SDK2: variants seen among roughly 807,000 people sequenced by gnomAD.
SDK2 encodes the protein sidekick cell adhesion molecule 2.
Under a neutral mutation model 253.9 loss-of-function variants are expected in SDK2, and 105 were observed. That is an observed-to-expected ratio of 0.41 (90% CI 0.35 to 0.49). The LOEUF (loss-of-function observed/expected upper bound fraction) is 0.49, where lower values mean the gene tolerates loss of function less well. Ranked by LOEUF, SDK2 falls within the 20% of genes least tolerant of loss-of-function variation. The probability of loss-of-function intolerance (pLI) is 0.06; values close to 1 mark genes in which losing one functional copy is unlikely to be tolerated. For synonymous variants in SDK2, 1,249 were observed against 1,234.9 expected (o/e 1.01, Z -0.24); for missense variants, 2,608 against 3,003.0 (o/e 0.87, Z 3.07).
chr17:73,372,076 A>G (rs1484296017), intron 36 of SDK2, among the ~76,000 whole-genome samples: 1 of 152,150 alleles, frequency 6.6e-6, no homozygotes, highest in Non-Finnish European at 1.5e-5. Flanking sequence ...GGAAGGGCCA[A>G]TGGCTGCAGT....
chr17:73,501,151 C>T (rs2063887820), intron 2 of SDK2, among the ~76,000 whole-genome samples: 1 of 152,172 alleles, frequency 6.6e-6, no homozygotes, highest in Non-Finnish European at 1.5e-5. Flanking sequence ...CACCTTCCTG[C>T]TGTACTCAGA....
In SDK2 at chr17:73,383,223, T is replaced by C. The variant is rs2062845702; in HGVS notation, c.4705+653A>G. Among the ~76,000 whole-genome samples the C allele has an allele frequency of 6.6e-6, 1 of 152,168 alleles. No homozygotes were observed. Among genetic ancestry groups the C allele is most frequent in the Admixed American group, 6.5e-5 (1 of 15,274 alleles). ...CCATCCTCCCACCATGGCCAAGCCATCATCCTCATGCCACCAAAGTGGCTC... is the reference window on the plus strand; with the variant it reads ...CCATCCTCCCACCATGGCCAAGCCACCATCCTCATGCCACCAAAGTGGCTC... On this transcript the variant is annotated intron_variant, in intron 33 of 44. Transcript: ENST00000392650. This position sits in a 1 kb window ranked among gnomAD's most constrained non-coding sequence, Gnocchi z 4.3.
At chr17:73,466,724 C>A (rs541364403) in intron 3 of SDK2, among the ~76,000 whole-genome samples, 2 of 142,582 alleles carry the variant, frequency 1.4e-5, no homozygotes, top group Non-Finnish European at 3.2e-5. Context: ...CGCCCCCCCC[C>A]CCCGGCTTAG....
At chr17:73,599,386 G>A (rs2045806538) in intron 1 of SDK2, among the ~76,000 whole-genome samples, 1 of 152,100 alleles carries the variant, frequency 6.6e-6, no homozygotes, top group African/African-American at 2.4e-5. Context: ...ACAAAAATTA[G>A]CCTGGCGTGG....
At chr17:73,533,824 T>TCC in intron 1 of SDK2, among the ~76,000 whole-genome samples, 1 of 152,276 alleles carries the variant, frequency 6.6e-6, no homozygotes, top group Non-Finnish European at 1.5e-5. Flanking sequence ...AGGAAGTGTC[T>TCC]CTTTGAGACT....
chr17:73,576,725 T>C (rs554869897), intron 1 of SDK2, among the ~76,000 whole-genome samples: 12 of 152,170 alleles, frequency 7.9e-5, no homozygotes, highest in African/African-American at 2.9e-4. Flanking sequence ...CCAGTACCTA[T>C]AGGTCTCCCT....
chr17:73,635,743 A>G (rs9894407), intron 1 of SDK2, among the ~76,000 whole-genome samples: 59,226 of 151,938 alleles, frequency 0.39, 12,357 homozygotes, highest in African/African-American at 0.54. Flanking sequence ...CTCACACCTC[A>G]TTCAATTTAG....
chr17:73,436,876 A>G (rs998821393), intron 8 of SDK2, among the ~76,000 whole-genome samples: 2 of 151,976 alleles, frequency 1.3e-5, no homozygotes, highest in African/African-American at 2.4e-5. Context: ...AACCCATGGC[A>G]TTTTAGATGA....
At chr17:73,564,432 C>T (rs888817935) in intron 1 of SDK2, among the ~76,000 whole-genome samples, 7 of 152,152 alleles carry the variant, frequency 4.6e-5, no homozygotes, top group Non-Finnish European at 7.3e-5. Context: ...TGGGCTGTGT[C>T]GTCATCTGAA....
chr17:73,456,059 G>A lies in SDK2; in HGVS notation c.332-6C>T. ...TTCCTCAAAGCTCCCCATGTCTGCA[G>A]CCGGGACAACGGCAGTAGGATCAGG... On this transcript the variant is annotated splice_polypyrimidine_tract_variant and splice_region_variant and intron_variant, in intron 3 of 44. Coordinates refer to ENST00000392650, the MANE Select transcript of SDK2 (RefSeq NM_001144952.2). The A allele has an allele frequency of 3.4e-6, 5 of 1,483,892 alleles. No homozygotes were observed. Among genetic ancestry groups the A allele is most frequent in the Non-Finnish European group, 3.6e-6 (4 of 1,109,004 alleles). 91.9% of individuals were successfully genotyped at this position (1,483,892 alleles called of 1,614,324 possible).
At chr17:73,341,727 A>T (rs1488015839) in intron 44 of SDK2, among the ~76,000 whole-genome samples, 1 of 152,124 alleles carries the variant, frequency 6.6e-6, no homozygotes, top group Admixed American at 6.6e-5. Context: ...GTTCTCAGGA[A>T]CTCGGAGTCC....
In SDK2 at chr17:73,352,690, C is replaced by G; in HGVS notation, c.5594-53G>C. On this transcript the variant is annotated intron_variant, in intron 40 of 44. Coordinates refer to ENST00000392650, the MANE Select transcript of SDK2 (RefSeq NM_001144952.2). The surrounding 1 kb of genome is among the most constrained non-coding windows in gnomAD (Gnocchi z 4.1). Reference sequence around the variant, plus strand: ...GGGAGGTGAGGGGAAGCCCCAAATCCCGCTCCCAGCCCCGTTCTGACTATG... The same window carrying G: ...GGGAGGTGAGGGGAAGCCCCAAATCGCGCTCCCAGCCCCGTTCTGACTATG... 6 of 1,587,470 alleles carry G rather than the reference C, an allele frequency of 3.8e-6. No individual in the cohort carries two copies. Among genetic ancestry groups the G allele is most frequent in the Non-Finnish European group, 5.2e-6 (6 of 1,159,668 alleles).
chr17:73,644,233 G>C lies in SDK2; in HGVS notation c.-145C>G, dbSNP rs1219496379. The C allele has an allele frequency of 4.4e-6, 3 of 684,912 alleles. No homozygotes were observed. Among genetic ancestry groups the C allele is most frequent in the Non-Finnish European group, 5.1e-6 (2 of 391,388 alleles). 42.4% of individuals were successfully genotyped at this position (684,912 alleles called of 1,614,324 possible). On this transcript the variant is annotated 5_prime_UTR_variant, in exon 1 of 45. Coordinates refer to ENST00000392650, the MANE Select transcript of SDK2 (RefSeq NM_001144952.2). The surrounding 1 kb of genome is among the most constrained non-coding windows in gnomAD (Gnocchi z 6.3). ...GTGCCCCGGGGTGTAATATGCCCGG[G>C]AGGGGCAGCGCTTGGCTACCCCAAC...
At chr17:73,604,013 C>T in intron 1 of SDK2, among the ~76,000 whole-genome samples, 1 of 152,236 alleles carries the variant, frequency 6.6e-6, no homozygotes, top group East Asian at 1.9e-4. Flanking sequence ...AGGACAATGC[C>T]TGTCTCAGAA....
intron 44 of SDK2, among the ~76,000 whole-genome samples, chr17:73,340,998 C>T (rs1489585387): frequency 2.0e-5 from 3 of 149,984 alleles, no homozygotes; most frequent in Non-Finnish European, 3.0e-5. Flanking sequence ...CCCACCTCGG[C>T]GTCCCAAAGT....
chr17:73,469,682 G>A (rs2063630167), intron 3 of SDK2, among the ~76,000 whole-genome samples: 1 of 152,124 alleles, frequency 6.6e-6, no homozygotes, highest in Admixed American at 6.5e-5. Flanking sequence ...CCCCCACCCT[G>A]GGTTTGTGTG....
chr17:73,478,569 G>A (rs1011803889), intron 2 of SDK2, among the ~76,000 whole-genome samples: 1 of 152,186 alleles, frequency 6.6e-6, no homozygotes, highest in Non-Finnish European at 1.5e-5. Context: ...AGCTCAGGGT[G>A]GAGGGCGCAA....
chr17:73,519,822 C>T lies in SDK2; in HGVS notation c.65-12225G>A, dbSNP rs1443489308. 3.3e-5 allele frequency: 5 copies of T among 152,220 alleles called. No homozygotes were observed. In the East Asian group the frequency reaches 9.7e-4, roughly 29 times the overall value. 9.4% of individuals were successfully genotyped at this position (152,220 alleles called of 1,614,324 possible). ...GGAGGAAAAAACAAAGCACGAGTCG[C>T]TCTCTGCACGGAGGCTGAGAGATGG... is the stretch of plus-strand genomic sequence containing the variant. On this transcript the variant is annotated intron_variant, in intron 1 of 44. Transcript: ENST00000392650.
chr17:73,521,701 G>C lies in SDK2; in HGVS notation c.65-14104C>G, dbSNP rs181927858. Among the ~76,000 whole-genome samples, 146 of 152,338 alleles carry C rather than the reference G, an allele frequency of 9.6e-4. 1 individual carries two copies. The Middle Eastern group carries it at 0.01, about 11-fold the overall frequency. On this transcript the variant is annotated intron_variant, in intron 1 of 44. Coordinates refer to ENST00000392650, the MANE Select transcript of SDK2 (RefSeq NM_001144952.2). ...GACAGAAGGCCTTGGTTTTGCTAGA[G>C]GATGGGAGTTGGGGGCGGGGGTGAG...
Sources: allele counts gnomAD v4.1 joint callset (sites outside exome capture counted in the v4.1 genomes callset), GRCh38; gene constraint gnomAD v4.1.1; non-coding constraint Gnocchi (gnomAD v3.1); transcripts MANE v1.5; gene names NCBI Gene and HGNC (gene_info 2026-07-23, HGNC 2026-07-21).